The following SEC16A variants were observed in gnomAD, a reference collection of about 807,000 sequenced individuals.
SEC16A encodes the protein protein transport protein Sec16A.
In SEC16A, 110 loss-of-function variants were observed where a neutral mutation model predicts 221.9. That is an observed-to-expected ratio of 0.50 (90% CI 0.42 to 0.58). SEC16A has a LOEUF of 0.58. SEC16A is among the 20% of genes least tolerant of loss of function. The pLI is 0.00. For synonymous variants in SEC16A, 1,393 were observed against 1,257.7 expected, an observed-to-expected ratio of 1.11 and a Z score of -2.28; for missense variants, 3,165 against 3,097.8, an observed-to-expected ratio of 1.02 and a Z score of -0.52.
chr9:136,475,010 G>T lies in SEC16A; in HGVS notation c.2606C>A (p.Ala869Glu). 1.2e-6 allele frequency: 2 copies of T among 1,613,678 alleles called. No individual in the cohort carries two copies. The highest frequency in any genetic ancestry group is 1.7e-6 in the Non-Finnish European group (2 of 1,179,850). Residue 869 changes from alanine to glutamate, a missense_variant, in exon 3 of 32, where the codon GCA becomes GAA. By Grantham distance (107) the Ala-to-Glu change is moderately radical. Around this residue, in one of 3 missense-constraint regions of SEC16A, gnomAD observed 2,030 missense variants for 1,923.1 expected, o/e 1.06. Transcript: ENST00000684901. This position sits in a 1 kb window ranked among gnomAD's most constrained non-coding sequence, Gnocchi z 5.0. ...WREALVGDRP[A>E]VSSWALGGDS... ...ACCACCGAGAGCCCAACTGCTGACT[G>T]CAGGTCTATCCCCCACCAAAGCCTC...
At chr9:136,453,380 G>T (rs773799068) in intron 22 of SEC16A, 48 bp downstream of exon 22, 2 of 1,440,766 alleles carry the variant, frequency 1.4e-6, no homozygotes, top group South Asian at 1.1e-5. Context: ...GTGCCCACTC[G>T]ATGAACTTTA....
chr9:136,457,881 C>T (rs545542255), intron 17 of SEC16A, among the ~76,000 whole-genome samples: 8 of 152,244 alleles, frequency 5.3e-5, no homozygotes, highest in East Asian at 1.9e-4. Context: ...ACAGTCACAA[C>T]GCCCCAAGAG....
In SEC16A at chr9:136,447,805, C is replaced by T. The variant is rs376275661; in HGVS notation, c.6447+48G>A. 3.9e-5 allele frequency: 61 copies of T among 1,570,716 alleles called. No individual in the cohort carries two copies. The highest frequency in any genetic ancestry group is 6.1e-6 in the Non-Finnish European group (7 of 1,146,764). Reference sequence around the variant, plus strand: ...TATCACAGGGCCACATGAGGCTGTTCCCTCCACTCACACCTCACACCCAAC... The same window carrying T: ...TATCACAGGGCCACATGAGGCTGTTTCCTCCACTCACACCTCACACCCAAC... On this transcript the variant is annotated intron_variant, in intron 25 of 31. Coordinates refer to ENST00000684901, the MANE Select transcript of SEC16A (RefSeq NM_014866.2). This position sits in a 1 kb window ranked among gnomAD's most constrained non-coding sequence, Gnocchi z 5.5.
intron 28 of SEC16A, 54 bp from the exon 29 acceptor site, chr9:136,445,773 T>G: frequency 1.4e-6 from 2 of 1,474,432 alleles, no homozygotes; most frequent in Non-Finnish European, 1.8e-6. Context: ...TTTAAGTCTC[T>G]CACACCAGGC....
chr9:136,458,694 G>A (rs959357825), intron 17 of SEC16A, among the ~76,000 whole-genome samples: 2 of 152,088 alleles, frequency 1.3e-5, no homozygotes, highest in African/African-American at 4.8e-5. Flanking sequence ...AACACTCTGG[G>A]AGGCTGAGAG....
chr9:136,451,215 C>T, intron 23 of SEC16A, 41 bp downstream of exon 23: 1 of 1,588,168 alleles, frequency 6.3e-7, no homozygotes, highest in Non-Finnish European at 8.6e-7. Context: ...CCTGCCCAAA[C>T]CCTCCCGGCC....
rs1442727845 is a variant in SEC16A, at chr9:136,467,037, G to A, written c.3849C>T (p.Asp1283=). 3.7e-6 allele frequency: 6 copies of A among 1,613,920 alleles called. No homozygotes were observed. Among genetic ancestry groups the A allele is most frequent in the Non-Finnish European group, 4.2e-6 (5 of 1,179,854 alleles). ...DRYHYSARVR[D]PRTYDRRYWC... is the part of the protein sequence containing the mutation. ...AATACCTCCGGTCATAGGTGCGGGG[G>A]TCCCTGACTCTAGCACTGTAGTGGT... The change falls in exon 6 of 32, where the codon GAC becomes GAT. Residue 1283 remains aspartate (D), a synonymous_variant. Coordinates refer to ENST00000684901, the MANE Select transcript of SEC16A (RefSeq NM_014866.2).
chr9:136,451,482 T>C (rs1469675104), intron 22 of SEC16A, 74 bp from the exon 23 acceptor site: 6 of 1,453,322 alleles, frequency 4.1e-6, no homozygotes, highest in African/African-American at 1.4e-5. Context: ...GGGATGCAAT[T>C]CCCCAGGCGT....
Position 136,453,347 on chromosome 9 carries a change from T to C in SEC16A, c.6159+81A>G, listed in dbSNP as rs986185618. 1.1e-5 allele frequency: 11 copies of C among 1,020,446 alleles called. No individual in the cohort carries two copies. In the African/African-American group the frequency reaches 1.7e-4, roughly 16 times the overall value. The allele number at this position is 1,020,446 out of a possible 1,614,324, so 63.2% of individuals were successfully genotyped here. On this transcript the variant is annotated intron_variant, in intron 22 of 31. Transcript: ENST00000684901. ...TTTCATAGTCCTCACTACCATCATCTTACAACTCAACAAGGAGTCTGGGTG... is the reference window on the plus strand; with the variant it reads ...TTTCATAGTCCTCACTACCATCATCCTACAACTCAACAAGGAGTCTGGGTG...
At chr9:136,444,795 C>T (rs148845458) in intron 30 of SEC16A, among the ~76,000 whole-genome samples, 1,567 of 148,914 alleles carry the variant, frequency 0.011, 18 homozygotes, top group Non-Finnish European at 0.018. Context: ...AGGAGGATGG[C>T]TTGAACCCAG....
Position 136,474,424 on chromosome 9 carries a change from G to A in SEC16A, c.3192C>T (p.Pro1064=), listed in dbSNP as rs1020404339. The change falls in exon 3 of 32, where the codon CCC becomes CCT. Residue 1064 remains proline (P), a synonymous_variant. Transcript: ENST00000684901. ...LERAQQELVP[P]QQQASPPQLP... is the part of the protein sequence containing the mutation. ...GTTGTGGGGGAGAAGCCTGTTGCTG[G>A]GGTGGCACCAGCTCCTGCTGGGCTC... is the stretch of plus-strand genomic sequence containing the variant. 4.3e-6 allele frequency: 7 copies of A among 1,613,012 alleles called. No individual in the cohort carries two copies. Among genetic ancestry groups the A allele is most frequent in the Non-Finnish European group, 5.9e-6 (7 of 1,179,900 alleles).
At position 136,477,016 on chromosome 9, in the gene SEC16A, T is replaced by G. The variant is rs1841736443; in HGVS notation, c.600A>C (p.Ala200=). 6.2e-7 allele frequency: 1 copy of G among 1,613,464 alleles called. No homozygotes were observed. The change falls in exon 3 of 32, where the codon GCA becomes GCC. Residue 200 remains alanine (A), a synonymous_variant. Transcript: ENST00000684901. ...GACCAGGCTGAGGGAGGGAAGGGGATGCTGCTGGGGTGACCACACCGTCAT... is the reference window on the plus strand; with the variant it reads ...GACCAGGCTGAGGGAGGGAAGGGGAGGCTGCTGGGGTGACCACACCGTCAT... ...NPHDGVVTPA[A]SPSLPQPGLQ... is the part of the protein sequence containing the mutation.
chr9:136,469,952 G>A (rs1840644270), intron 4 of SEC16A, among the ~76,000 whole-genome samples: 1 of 152,192 alleles, frequency 6.6e-6, no homozygotes, highest in Non-Finnish European at 1.5e-5. Flanking sequence ...TATCTGACTT[G>A]GGGTTTCCAA....
chr9:136,460,858 A>G (rs1403242193), intron 13 of SEC16A, among the ~76,000 whole-genome samples: 1 of 152,214 alleles, frequency 6.6e-6, no homozygotes, highest in Non-Finnish European at 1.5e-5. Context: ...GGTTGCGGTG[A>G]GCTGAGATCG....
At position 136,477,433 on chromosome 9, in the gene SEC16A, C is replaced by T. The variant is rs755607943; in HGVS notation, c.183G>A (p.Ala61=). Residue 61 remains alanine, a synonymous_variant, in exon 3 of 32, where the codon GCG becomes GCA. Transcript: ENST00000684901. ...AACTGCCCAGTGGTGTACTTTGGAGCGCCTGTCTACTAAAAGCAAATGGAT... is the reference window on the plus strand; with the variant it reads ...AACTGCCCAGTGGTGTACTTTGGAGTGCCTGTCTACTAAAAGCAAATGGAT... ...VTDPFAFSRQ[A]LQSTPLGSSS... The T allele has an allele frequency of 1.4e-5, 23 of 1,613,874 alleles. No homozygotes were observed. Among genetic ancestry groups the T allele is most frequent in the Admixed American group, 5.0e-5 (3 of 60,004 alleles).
chr9:136,444,779 C>T (rs1468967736), intron 30 of SEC16A, among the ~76,000 whole-genome samples: 1 of 150,284 alleles, frequency 6.7e-6, no homozygotes, highest in Non-Finnish European at 1.5e-5. Context: ...TCAGGAAGGC[C>T]GAGACAGGAG....
chr9:136,443,242 A>G (rs1588854648), intron 31 of SEC16A, among the ~76,000 whole-genome samples: 2 of 152,338 alleles, frequency 1.3e-5, no homozygotes, highest in African/African-American at 4.8e-5. Flanking sequence ...AGAGCTCCAC[A>G]CGGGAGCACG....
intron 17 of SEC16A, 79 bp from the exon 18 acceptor site, chr9:136,457,663 T>G (rs1838875344): frequency 1.3e-6 from 2 of 1,497,090 alleles, no homozygotes; most frequent in South Asian, 1.3e-5. Context: ...TGTACTGCCC[T>G]GAGGCTCCCC....
intron 22 of SEC16A, among the ~76,000 whole-genome samples, 179 bp downstream of exon 22, chr9:136,453,249 A>G (rs1200060975): frequency 6.6e-6 from 1 of 152,132 alleles, no homozygotes; most frequent in Non-Finnish European, 1.5e-5. Context: ...CAGTGTTTTC[A>G]CCAACTCTTC....
Sources: allele counts gnomAD v4.1 joint callset (sites outside exome capture counted in the v4.1 genomes callset), GRCh38; gene constraint gnomAD v4.1.1; regional missense constraint gnomAD v4.1.1; non-coding constraint Gnocchi (gnomAD v3.1); transcripts MANE v1.5; gene names NCBI Gene and HGNC (gene_info 2026-07-23, HGNC 2026-07-21).